RANBP2: variants seen among roughly 807,000 people sequenced by gnomAD.
RANBP2 encodes the protein RAN binding protein 2.
In RANBP2, 57 loss-of-function variants were observed where a neutral mutation model predicts 303.6. The ratio of observed to expected loss-of-function variants is 0.19; its 90% CI spans 0.15 to 0.23. The LOEUF (loss-of-function observed/expected upper bound fraction) is 0.23. Among genes scored for constraint, RANBP2 ranks in the 10% least tolerant of loss-of-function variants. RANBP2 has a pLI of 1.00. For missense variants in RANBP2, 3,138 were observed against 3,780.8 expected (o/e 0.83, Z 4.46); for synonymous variants, 1,167 against 1,301.5 (o/e 0.90, Z 2.23).
chr2:109,381,897 G>T, the RANBP2 span, among the ~76,000 whole-genome samples: 1 of 152,112 alleles, frequency 6.6e-6, no homozygotes, highest in Non-Finnish European at 1.5e-5. Context: ...CATGTGCAAT[G>T]GGCAAACATG....
chr2:109,647,250 A>AGGTT, the RANBP2 span, among the ~76,000 whole-genome samples: 1 of 132,178 alleles, frequency 7.6e-6, no homozygotes, highest in Non-Finnish European at 1.5e-5. Context: ...TGCAACCTCC[A>AGGTT]CCTCCTGGGT....
the RANBP2 span, among the ~76,000 whole-genome samples, chr2:109,766,728 A>G: frequency 6.7e-6 from 1 of 148,842 alleles, no homozygotes; most frequent in African/African-American, 2.5e-5. Context: ...AAACCTCTCA[A>G]TATGGAATGC....
the RANBP2 span, chr2:109,585,810 A>T: frequency 6.2e-7 from 1 of 1,614,016 alleles, no homozygotes; most frequent in Non-Finnish European, 8.5e-7. Context: ...ATGGCCAGAC[A>T]TAGTCAACGA....
chr2:109,260,923 G>A, the RANBP2 span, among the ~76,000 whole-genome samples: 2 of 152,166 alleles, frequency 1.3e-5, no homozygotes, highest in African/African-American at 2.4e-5. Context: ...GTGAGAGGAA[G>A]GCCACTCTGT....
chr2:109,659,697 G>A, the RANBP2 span, among the ~76,000 whole-genome samples: 146,054 of 152,292 alleles, frequency 0.96, 70,291 homozygotes, highest in Non-Finnish European at 0.99. Flanking sequence ...ACAAATCAGC[G>A]GGGGGCTCCA....
the RANBP2 span, among the ~76,000 whole-genome samples, chr2:109,765,846 C>T: frequency 1.1e-4 from 17 of 150,786 alleles, no homozygotes; most frequent in South Asian, 2.6e-3. Flanking sequence ...GGCCAGTGGG[C>T]GGCTTCCTCC....
the RANBP2 span, among the ~76,000 whole-genome samples, chr2:109,604,484 T>C: frequency 6.7e-6 from 1 of 149,512 alleles, no homozygotes; most frequent in African/African-American, 2.5e-5. Flanking sequence ...CCTAGCACTT[T>C]GGGAGGCCGA....
the RANBP2 span, among the ~76,000 whole-genome samples, chr2:108,984,106 AT>A: frequency 6.6e-6 from 1 of 152,080 alleles, no homozygotes; most frequent in African/African-American, 2.4e-5. Flanking sequence ...GGTCTTCATA[AT>A]TTTTCTCAGA....
the RANBP2 span, among the ~76,000 whole-genome samples, chr2:109,169,408 GCTGT>G: frequency 6.6e-6 from 1 of 152,088 alleles, no homozygotes. Context: ...GGCTGATGAT[GCTGT>G]GCTGGTGAAG....
chr2:109,540,080 A>C, the RANBP2 span, among the ~76,000 whole-genome samples: 1 of 152,230 alleles, frequency 6.6e-6, no homozygotes, highest in Non-Finnish European at 1.5e-5. Context: ...GAGCAAAACA[A>C]GTTCCCTTAG....
the RANBP2 span, among the ~76,000 whole-genome samples, chr2:109,638,935 T>G: frequency 6.6e-6 from 1 of 152,154 alleles, no homozygotes; most frequent in Non-Finnish European, 1.5e-5. Flanking sequence ...TTCTCCTACC[T>G]CCAGTAGAGG....
rs1678454323 is a variant in RANBP2 at position 108,784,176 on chromosome 2, A to G, written c.*275A>G. Reference sequence around the variant, plus strand: ...AATAATACTAATCTTGTTAAAAGCAATAGACCTCAAACTATTGAAGGAATA... The same window carrying G: ...AATAATACTAATCTTGTTAAAAGCAGTAGACCTCAAACTATTGAAGGAATA... On this transcript the variant is annotated 3_prime_UTR_variant, in exon 29 of 29. Coordinates refer to ENST00000283195, the MANE Select transcript of RANBP2 (RefSeq NM_006267.5). The G allele has an allele frequency of 5.8e-6, 2 of 344,782 alleles. No homozygotes were observed. Among genetic ancestry groups the G allele is most frequent in the East Asian group, 5.5e-5 (1 of 18,072 alleles). 21.4% of individuals were successfully genotyped at this position (344,782 alleles called of 1,614,324 possible).
the RANBP2 span, chr2:109,616,914 G>C: frequency 1.8e-5 from 3 of 166,994 alleles, no homozygotes; most frequent in Admixed American, 2.0e-4. Context: ...TATTCTAAAA[G>C]TTTGAATTTG....
chr2:108,920,241 C>T, the RANBP2 span, among the ~76,000 whole-genome samples: 1 of 152,228 alleles, frequency 6.6e-6, no homozygotes, highest in Non-Finnish European at 1.5e-5. Context: ...CATGCATCGC[C>T]CACGTCATCA....
chr2:109,146,790 GCCC>G, the RANBP2 span, among the ~76,000 whole-genome samples: 1 of 116,244 alleles, frequency 8.6e-6, no homozygotes, highest in Non-Finnish European at 1.7e-5. Flanking sequence ...TTTCTTTAGT[GCCC>G]CCCCCATTCC....
At chr2:109,500,954 A>C in the RANBP2 span, among the ~76,000 whole-genome samples, 1 of 152,172 alleles carries the variant, frequency 6.6e-6, no homozygotes, top group South Asian at 2.1e-4. Flanking sequence ...TGTCTCAAAA[A>C]AATAAGGACA....
At chr2:109,070,338 GA>G in the RANBP2 span, among the ~76,000 whole-genome samples, 4 of 152,244 alleles carry the variant, frequency 2.6e-5, no homozygotes, top group Non-Finnish European at 5.9e-5. Context: ...TTTACCTTAT[GA>G]AAAGAGTTCT....
At chr2:108,881,437 C>T in the RANBP2 span, among the ~76,000 whole-genome samples, 7 of 152,232 alleles carry the variant, frequency 4.6e-5, no homozygotes, top group Non-Finnish European at 8.8e-5. Flanking sequence ...TCCTTATCAG[C>T]AATAAGGCTG....
At chr2:109,178,982 T>C in the RANBP2 span, among the ~76,000 whole-genome samples, 1 of 148,280 alleles carries the variant, frequency 6.7e-6, no homozygotes. Flanking sequence ...GGAAATACTT[T>C]TTTTCTTATA....
Sources: gnomAD v4.1 joint callset for allele counts (sites outside exome capture counted in the v4.1 genomes callset) on GRCh38, gnomAD v4.1.1 for gene constraint, MANE v1.5 for transcripts, NCBI Gene and HGNC (gene_info 2026-07-23, HGNC 2026-07-21) for gene names.